INSYN2A: variants seen among roughly 807,000 people sequenced by gnomAD.
INSYN2A encodes family with sequence similarity 196 member A.
A neutral mutation model predicts 39.4 loss-of-function variants in INSYN2A; 17 were observed. The ratio of observed to expected loss-of-function variants is 0.43; its 90% CI spans 0.30 to 0.65. The LOEUF (loss-of-function observed/expected upper bound fraction) is 0.65, where lower values mean the gene tolerates loss of function less well. INSYN2A is among the 30% of genes least tolerant of loss of function. The pLI is 0.14. For synonymous variants in INSYN2A, 255 were observed against 265.7 expected (o/e 0.96, Z 0.39); for missense variants, 595 against 631.2 (o/e 0.94, Z 0.61).
intron 5 of INSYN2A, among the ~76,000 whole-genome samples, chr10:127,139,701 C>G (rs2051039227): frequency 6.6e-6 from 1 of 152,154 alleles, no homozygotes; most frequent in African/African-American, 2.4e-5. Context: ...CCACCTGATG[C>G]TGGTTTGGGA....
At position 127,137,930 on chromosome 10, in the gene INSYN2A, C is replaced by T. The variant is rs766403526; in HGVS notation, c.1347G>A (p.Ser449=). ...AGGAGTAAGTCTCCTGAGAGTAAGG[C>T]GAAGGTATGACCTGAGTTTCCTCAA... ...HPIEETQVIP[S]PYSQETYSST... The change falls in exon 6 of 6, where the codon TCG becomes TCA. Residue 449 remains serine (S), a synonymous_variant. Transcript: ENST00000522781. The T allele has an allele frequency of 4.3e-6, 7 of 1,613,982 alleles. No homozygotes were observed. The highest frequency in any genetic ancestry group is 3.3e-5 in the South Asian group (3 of 91,078).
chr10:127,188,579 C>T (rs927997128), intron 2 of INSYN2A, among the ~76,000 whole-genome samples: 2 of 152,094 alleles, frequency 1.3e-5, no homozygotes, highest in African/African-American at 4.8e-5. Flanking sequence ...CAAGGTCTTC[C>T]CATGCTACCA....
chr10:127,195,524 C>A (rs1275629656), intron 1 of INSYN2A, among the ~76,000 whole-genome samples: 1 of 112,744 alleles, frequency 8.9e-6, no homozygotes, highest in Non-Finnish European at 2.2e-5. Context: ...TCCAACTCAT[C>A]CCCCCCCCGA....
At chr10:127,177,794 C>T (rs969304073) in intron 2 of INSYN2A, among the ~76,000 whole-genome samples, 4 of 152,260 alleles carry the variant, frequency 2.6e-5, no homozygotes, top group Non-Finnish European at 5.9e-5. Flanking sequence ...GTTCGAGTGC[C>T]AGATGCTCTG....
In INSYN2A at chr10:127,137,903, TGAG is replaced by T. The variant is rs1377593314; in HGVS notation, c.1371_1373del (p.Ser458del). 6 of 1,614,210 alleles carry T rather than the reference TGAG, an allele frequency of 3.7e-6. No individual in the cohort carries two copies. The highest frequency in any genetic ancestry group is 4.2e-6 in the Non-Finnish European group (5 of 1,180,038). ...CAGTTTTGGATTTTTGCTTGGGAGT[TGAG>T]GAGTAAGTCTCCTGAGAGTAAGGCG... On this transcript the variant is annotated inframe_deletion, in exon 6 of 6. Transcript: ENST00000522781.
At chr10:127,151,027 G>A (rs2052436296) in intron 5 of INSYN2A, among the ~76,000 whole-genome samples, 1 of 152,154 alleles carries the variant, frequency 6.6e-6, no homozygotes, top group African/African-American at 2.4e-5. Flanking sequence ...TTAGGTACGT[G>A]TCAATTTTTT....
At chr10:127,143,549 C>T (rs2051479322) in intron 5 of INSYN2A, among the ~76,000 whole-genome samples, 1 of 152,168 alleles carries the variant, frequency 6.6e-6, no homozygotes, top group East Asian at 1.9e-4. Flanking sequence ...GGCAGGTGCA[C>T]CAGGATGTGG....
At position 127,137,173 on chromosome 10, in the gene INSYN2A, C is replaced by G. The variant is rs1236847193; in HGVS notation, c.*664G>C. On this transcript the variant is annotated 3_prime_UTR_variant, in exon 6 of 6. Coordinates refer to ENST00000522781, the MANE Select transcript of INSYN2A (RefSeq NM_001039762.3). The stretch of plus-strand genomic sequence containing the variant: ...GGCCATTTGGAAAATGAGCAGTAAA[C>G]ATGTCGTAAGTCTGGAGATGAAGAG... The G allele has an allele frequency of 6.6e-6, 1 of 152,620 alleles. No individual in the cohort carries two copies. The highest frequency in any genetic ancestry group is 1.5e-5 in the Non-Finnish European group (1 of 68,060). The allele number at this position is 152,620 out of a possible 1,614,324, so 9.5% of individuals were successfully genotyped here.
Position 127,175,471 on chromosome 10 carries a change from G to A in INSYN2A, c.925C>T (p.Pro309Ser), listed in dbSNP as rs1410435532. 1 of 1,609,910 alleles carries A rather than the reference G, an allele frequency of 6.2e-7. No homozygotes were observed. Among genetic ancestry groups the A allele is most frequent in the East Asian group, 2.2e-5 (1 of 44,872 alleles). Residue 309 changes from proline (P) to serine (S), a missense_variant, in exon 4 of 6, where the codon CCC becomes TCC. Transcript: ENST00000522781. This position sits in a 1 kb window ranked among gnomAD's most constrained non-coding sequence, Gnocchi z 6.3. ...TCGGGGGACAGGCACTGCATCGGGG[G>A]TGAGCAGGCCAGGGCAGTTTCCGAG... ...APSETALACS[P>S]PMQCLSPECS...
At chr10:127,172,897 G>A (rs1368125234) in intron 4 of INSYN2A, among the ~76,000 whole-genome samples, 2 of 152,198 alleles carry the variant, frequency 1.3e-5, no homozygotes, top group Admixed American at 1.3e-4. Context: ...ACTGTCTTAT[G>A]TATGTGGCTA....
intron 2 of INSYN2A, among the ~76,000 whole-genome samples, chr10:127,182,029 T>C (rs191094352): frequency 3.3e-5 from 5 of 152,192 alleles, no homozygotes; most frequent in African/African-American, 1.2e-4. Flanking sequence ...ACTGGATGAA[T>C]TCAGACACCC....
chr10:127,155,299 C>A (rs973035370), intron 4 of INSYN2A, among the ~76,000 whole-genome samples: 1 of 151,996 alleles, frequency 6.6e-6, no homozygotes, highest in African/African-American at 2.4e-5. Context: ...TGCTACATGC[C>A]GTGATTGTCT....
intron 4 of INSYN2A, among the ~76,000 whole-genome samples, chr10:127,158,413 G>A (rs1263510122): frequency 1.4e-4 from 21 of 152,138 alleles, no homozygotes; most frequent in Admixed American, 1.2e-3. Flanking sequence ...AAGAACATTT[G>A]GATCACAAAT....
At chr10:127,147,906 A>C (rs1211548938) in intron 5 of INSYN2A, among the ~76,000 whole-genome samples, 1 of 151,560 alleles carries the variant, frequency 6.6e-6, no homozygotes, top group Admixed American at 6.6e-5. Context: ...CGGTGCGCGC[A>C]CGTAGTCCCA....
At chr10:127,178,767 C>T (rs964455866) in intron 2 of INSYN2A, among the ~76,000 whole-genome samples, 2 of 152,086 alleles carry the variant, frequency 1.3e-5, no homozygotes, top group East Asian at 1.9e-4. Context: ...ATCTTGGCCC[C>T]GTTTGGGATG....
rs1227919315 is a variant in INSYN2A, at chr10:127,136,621, TAAAG to T, written c.*1212_*1215del. 3 of 152,386 alleles carry T rather than the reference TAAAG, an allele frequency of 2.0e-5. No homozygotes were observed. The highest frequency in any genetic ancestry group is 7.3e-5 in the African/African-American group (3 of 41,366). 9.4% of individuals were successfully genotyped at this position (152,386 alleles called of 1,614,324 possible). ...AGGTGCAAAGAAATGAGTGAAAAAA[TAAAG>T]GAACTAAGATTTACATTGCAATGTG... On this transcript the variant is annotated 3_prime_UTR_variant, in exon 6 of 6. Transcript: ENST00000522781.
rs116645401 is a variant in INSYN2A, at chr10:127,159,023, G to T, written c.1185-5100C>A. Among the ~76,000 whole-genome samples, 730 of 152,110 alleles carry T rather than the reference G, an allele frequency of 4.8e-3. 1 individual carries two copies. The highest frequency in any genetic ancestry group is 0.017 in the African/African-American group (701 of 41,488). On this transcript the variant is annotated intron_variant, in intron 4 of 5. Transcript: ENST00000522781. Reference sequence around the variant, plus strand: ...CTTGATGCCTTTTGAACACTCCTTGGTCAAGGTAGGCTTGCCTGTTAGAGG... The same window carrying T: ...CTTGATGCCTTTTGAACACTCCTTGTTCAAGGTAGGCTTGCCTGTTAGAGG...
chr10:127,157,316 A>G (rs1200974952), intron 4 of INSYN2A, among the ~76,000 whole-genome samples: 1 of 152,212 alleles, frequency 6.6e-6, no homozygotes, highest in Non-Finnish European at 1.5e-5. Context: ...TCTGTTTGCA[A>G]GTCAGAAAAA....
chr10:127,188,072 C>T (rs752318207), intron 2 of INSYN2A, among the ~76,000 whole-genome samples: 1 of 152,126 alleles, frequency 6.6e-6, no homozygotes, highest in Non-Finnish European at 1.5e-5. Context: ...GTGAATGTCA[C>T]GGGGGAGCAG....
Sources: allele counts gnomAD v4.1 joint callset (sites outside exome capture counted in the v4.1 genomes callset), GRCh38; gene constraint gnomAD v4.1.1; non-coding constraint Gnocchi (gnomAD v3.1); transcripts MANE v1.5; gene names NCBI Gene and HGNC (gene_info 2026-07-23, HGNC 2026-07-21).